Variants in UBE2D2 observed in about 807,000 individuals in gnomAD.
The protein encoded by UBE2D2 is ubiquitin conjugating enzyme E2 D2, also known as ubiquitin-conjugating enzyme E2 D2.
In UBE2D2, 2 loss-of-function variants were observed where a neutral mutation model predicts 24.2. The observed-to-expected ratio is 0.08, with a 90% CI of 0.03 to 0.26. The LOEUF (loss-of-function observed/expected upper bound fraction) is 0.26. UBE2D2 is among the 10% of genes least tolerant of loss of function. The pLI is 1.00. For synonymous variants in UBE2D2, 58 were observed against 56.5 expected, an observed-to-expected ratio of 1.03 and a Z score of -0.12; for missense variants, 44 against 177.6, an observed-to-expected ratio of 0.25 and a Z score of 4.28.
At chr5:139,573,766 G>A (rs981284900) in intron 1 of UBE2D2, among the ~76,000 whole-genome samples, 63 of 152,050 alleles carry the variant, frequency 4.1e-4, no homozygotes, top group African/African-American at 1.4e-3. Context: ...TCAAGAGATC[G>A]AGACCATCCT....
At chr5:139,543,628 C>A (rs558101280) in intron 1 of UBE2D2, among the ~76,000 whole-genome samples, 1 of 152,340 alleles carries the variant, frequency 6.6e-6, no homozygotes, top group Non-Finnish European at 1.5e-5. Context: ...TTCTCACTAG[C>A]GACTCGGGCC....
Position 139,546,581 on chromosome 5 carries a change from C to T in UBE2D2, c.-64+19969C>T, listed in dbSNP as rs562857077. 2.6e-4 allele frequency among the ~76,000 whole-genome samples: 40 copies of T among 152,176 alleles called. 1 individual carries two copies. The highest frequency in any genetic ancestry group is 9.2e-4 in the African/African-American group (38 of 41,512). On this transcript the variant is annotated intron_variant, in intron 1 of 6. Coordinates refer to the UBE2D2 transcript ENST00000511725. ...CACTGTAACCGCCACTTCCCAGGTT[C>T]ATGTGATTATTCTCCCTCAGCCCCA...
intron 2 of UBE2D2, among the ~76,000 whole-genome samples, chr5:139,606,574 AT>A (rs762048585): frequency 1.2e-4 from 18 of 152,312 alleles, no homozygotes; most frequent in Admixed American, 2.0e-4. Flanking sequence ...AGTTTGTGTA[AT>A]TTGGTTTGAT....
intron 6 of UBE2D2, among the ~76,000 whole-genome samples, chr5:139,624,034 T>A (rs1365118933): frequency 6.6e-6 from 1 of 152,178 alleles, no homozygotes; most frequent in East Asian, 1.9e-4. Flanking sequence ...TAATGCCTTA[T>A]GCTTGGCTTT....
chr5:139,550,264 A>G (rs1194103903), intron 1 of UBE2D2, among the ~76,000 whole-genome samples: 1 of 152,180 alleles, frequency 6.6e-6, no homozygotes, highest in African/African-American at 2.4e-5. Context: ...TGCACCAATC[A>G]GTGCTCTGTG....
At chr5:139,562,168 G>A (rs1753115643) in intron 1 of UBE2D2, 3 of 1,345,390 alleles carry the variant, frequency 2.2e-6, no homozygotes, top group Non-Finnish European at 2.9e-6. Context: ...GCGCTGGGGC[G>A]TTGGGCGGCC....
chr5:139,588,403 G>C (rs1295557157), intron 1 of UBE2D2, among the ~76,000 whole-genome samples: 1 of 152,158 alleles, frequency 6.6e-6, no homozygotes, highest in Non-Finnish European at 1.5e-5. Flanking sequence ...AGCCTCCCAA[G>C]TAGCTGGGGC....
At chr5:139,561,864 G>A in intron 1 of UBE2D2, 49 bp downstream of exon 1, 1 of 1,446,510 alleles carries the variant, frequency 6.9e-7, no homozygotes, top group Non-Finnish European at 9.0e-7. Flanking sequence ...AGCAGGCTGC[G>A]GCCTGCACTT....
chr5:139,573,092 G>C (rs1241086439), intron 1 of UBE2D2, among the ~76,000 whole-genome samples: 1 of 152,040 alleles, frequency 6.6e-6, no homozygotes, highest in Non-Finnish European at 1.5e-5. Context: ...ATGAGGTCAG[G>C]AGATCGAGAC....
upstream of UBE2D2, among the ~76,000 whole-genome samples, chr5:139,560,199 ATT>A (rs34150521): frequency 0.016 from 1,735 of 107,322 alleles, 37 homozygotes; most frequent in African/African-American, 0.057. Flanking sequence ...ACTCTCGGCT[ATT>A]TTTTTTTTTT....
At chr5:139,554,071 C>T (rs543783150) in intron 1 of UBE2D2, among the ~76,000 whole-genome samples, 7 of 152,334 alleles carry the variant, frequency 4.6e-5, no homozygotes, top group Admixed American at 1.3e-4. Flanking sequence ...TGAGCCACCA[C>T]GCCCGGCCAA....
At chr5:139,614,476 A>G (rs1669460812) in intron 2 of UBE2D2, 110 bp from the exon 3 acceptor site, 13 of 1,270,440 alleles carry the variant, frequency 1.0e-5, no homozygotes, top group Non-Finnish European at 1.5e-5. Context: ...CATACTCATT[A>G]TCATATTATT....
intron 2 of UBE2D2, among the ~76,000 whole-genome samples, chr5:139,603,131 C>T (rs1219280877): frequency 2.6e-5 from 4 of 152,168 alleles, no homozygotes; most frequent in Admixed American, 2.6e-4. Context: ...CATCAGTGTA[C>T]TCTTTCTATT....
chr5:139,573,681 C>G (rs1389686545), intron 1 of UBE2D2, among the ~76,000 whole-genome samples: 6 of 151,940 alleles, frequency 3.9e-5, no homozygotes, highest in Admixed American at 3.9e-4. Context: ...TTTAAAATGT[C>G]TTTCTCGGCC....
At chr5:139,624,968 C>A (rs1456546255) in intron 6 of UBE2D2, among the ~76,000 whole-genome samples, 1 of 152,134 alleles carries the variant, frequency 6.6e-6, no homozygotes, top group Non-Finnish European at 1.5e-5. Flanking sequence ...TGAATGCTTA[C>A]CAGAAGTCAT....
At chr5:139,583,995 G>T (rs1463209774) in intron 1 of UBE2D2, among the ~76,000 whole-genome samples, 2 of 152,032 alleles carry the variant, frequency 1.3e-5, no homozygotes, top group African/African-American at 2.4e-5. Flanking sequence ...AAAATAATAA[G>T]TTTATTATAG....
rs369766587 is a variant in UBE2D2, at chr5:139,602,684, A to AAAC, written c.88+2267_88+2269dup. 7.7e-3 allele frequency among the ~76,000 whole-genome samples: 1,179 copies of AAAC among 152,216 alleles called. 8 individuals are homozygous for AAAC. The highest frequency in any genetic ancestry group is 0.041 in the Middle Eastern group (12 of 294). Reference sequence around the variant, plus strand: ...CGGGAGCGAGACTCTCTCAAAACAAAAACAACAACAACAACAACAAAAAAC... The same window carrying AAAC: ...CGGGAGCGAGACTCTCTCAAAACAAAAACAACAACAACAACAACAACAAAAAAC... On this transcript the variant is annotated intron_variant, in intron 2 of 6. Transcript: ENST00000398733.
chr5:139,526,289 G>A (rs1389071197), upstream of UBE2D2: 1 of 152,214 alleles, frequency 6.6e-6, no homozygotes, highest in Non-Finnish European at 1.5e-5. Flanking sequence ...GCTGAATAAA[G>A]CCCTTCCTTC....
chr5:139,549,729 G>A (rs1370207967), intron 1 of UBE2D2, among the ~76,000 whole-genome samples: 1 of 152,226 alleles, frequency 6.6e-6, no homozygotes, highest in Non-Finnish European at 1.5e-5. Context: ...GAGGAGTGCA[G>A]CTGCGCAGAG....
Sources: gnomAD v4.1 joint callset for allele counts (sites outside exome capture counted in the v4.1 genomes callset) on GRCh38, gnomAD v4.1.1 for gene constraint, MANE v1.5 for transcripts, NCBI Gene and HGNC (gene_info 2026-07-23, HGNC 2026-07-21) for gene names.